NRP2: variants seen among roughly 807,000 people sequenced by gnomAD.
NRP2 encodes the protein neuropilin-2.
A neutral mutation model predicts 110.4 loss-of-function variants in NRP2; 52 were observed. That is an observed-to-expected ratio of 0.47 (90% CI 0.38 to 0.59). The LOEUF is 0.59. NRP2 is among the 20% of genes least tolerant of loss of function. The probability of loss-of-function intolerance (pLI) is 0.00; values close to 1 mark genes in which losing one functional copy is unlikely to be tolerated. For missense variants in NRP2, 1,049 were observed against 1,203.0 expected, an observed-to-expected ratio of 0.87 and a Z score of 1.89; for synonymous variants, 508 against 468.9, an observed-to-expected ratio of 1.08 and a Z score of -1.08.
chr2:205,775,492 C>G (rs2058084250), intron 15 of NRP2, among the ~76,000 whole-genome samples: 1 of 152,206 alleles, frequency 6.6e-6, no homozygotes, highest in African/African-American at 2.4e-5. Context: ...TACCCTCTGT[C>G]ATTTTGTGCC....
chr2:205,685,930 C>G (rs1426289910), intron 1 of NRP2: 1 of 152,314 alleles, frequency 6.6e-6, no homozygotes, highest in African/African-American at 2.4e-5. Context: ...CTAGAAGCGC[C>G]GCGCGCCCAG....
At chr2:205,690,846 G>T (rs2056299710) in intron 1 of NRP2, among the ~76,000 whole-genome samples, 1 of 152,088 alleles carries the variant, frequency 6.6e-6, no homozygotes, top group South Asian at 2.1e-4. Context: ...ATCTGCTTTA[G>T]GGTGTTCTAG....
rs577838540 is a variant in NRP2 at position 205,781,606 on chromosome 2, T to G, written c.2426-10629T>G. Among the ~76,000 whole-genome samples the G allele has an allele frequency of 5.3e-4, 81 of 152,372 alleles. 1 individual carries two copies. Among genetic ancestry groups the G allele is most frequent in the African/African-American group, 1.9e-3 (78 of 41,588 alleles). ...CTACATCCTGAAGTTTTGACTTGCCTGCATTGTGGGCTACACATCTGAGCC... is the reference window on the plus strand; with the variant it reads ...CTACATCCTGAAGTTTTGACTTGCCGGCATTGTGGGCTACACATCTGAGCC... On this transcript the variant is annotated intron_variant, in intron 15 of 16. Coordinates refer to ENST00000357785, the MANE Select transcript of NRP2 (RefSeq NM_003872.3).
At position 205,797,214 on chromosome 2, in the gene NRP2, T is replaced by C. The variant is rs780472869; in HGVS notation, c.*2156T>C. 1.3e-5 allele frequency: 2 copies of C among 152,638 alleles called. No homozygotes were observed. The highest frequency in any genetic ancestry group is 4.8e-5 in the African/African-American group (2 of 41,428). The allele number at this position is 152,638 out of a possible 1,614,324, so 9.5% of individuals were successfully genotyped here. A position where few individuals can be genotyped will look rare whatever the true frequency, so the allele number is the denominator to read the frequency against. Reference sequence around the variant, plus strand: ...AAGTAGAGCTGTCAAGCCCAAGGGCTTAGCTTTAGGGCTCCTCCTGAGTTC... The same window carrying C: ...AAGTAGAGCTGTCAAGCCCAAGGGCCTAGCTTTAGGGCTCCTCCTGAGTTC... On this transcript the variant is annotated 3_prime_UTR_variant, in exon 17 of 17. Transcript: ENST00000357785.
chr2:205,780,409 T>A (rs541608952), intron 15 of NRP2, among the ~76,000 whole-genome samples: 1 of 152,274 alleles, frequency 6.6e-6, no homozygotes, highest in East Asian at 1.9e-4. Flanking sequence ...TTGATGAGTA[T>A]TTTTCTTTGG....
chr2:205,790,036 A>T (rs770952414), intron 15 of NRP2, among the ~76,000 whole-genome samples: 1 of 152,144 alleles, frequency 6.6e-6, no homozygotes, highest in Non-Finnish European at 1.5e-5. Flanking sequence ...GAAAATGTTG[A>T]TTAACTTATC....
intron 5 of NRP2, 32 bp downstream of exon 5, chr2:205,723,972 T>A (rs749293205): frequency 3.1e-6 from 5 of 1,612,792 alleles, no homozygotes; most frequent in Middle Eastern, 1.6e-4. Context: ...CTCTGTCCTG[T>A]CCTTCCGTCA....
intron 2 of NRP2, among the ~76,000 whole-genome samples, chr2:205,708,315 A>G (rs951919340): frequency 6.6e-6 from 1 of 152,194 alleles, no homozygotes; most frequent in South Asian, 2.1e-4. Flanking sequence ...TGTTTCATCC[A>G]AGTGGCCTCC....
intron 7 of NRP2, among the ~76,000 whole-genome samples, chr2:205,731,571 T>C (rs1420164303): frequency 1.3e-5 from 2 of 152,194 alleles, no homozygotes; most frequent in African/African-American, 2.4e-5. Flanking sequence ...TGCCCTTATT[T>C]GTCTAGGCAA....
chr2:205,770,246 T>C (rs2057999971), intron 15 of NRP2, among the ~76,000 whole-genome samples: 1 of 152,178 alleles, frequency 6.6e-6, no homozygotes, highest in African/African-American at 2.4e-5. Flanking sequence ...AGACCATTCC[T>C]AAGGTCCAGG....
At chr2:205,723,246 G>A (rs75595594) in intron 4 of NRP2, among the ~76,000 whole-genome samples, 1,594 of 152,272 alleles carry the variant, frequency 0.01, 31 homozygotes, top group African/African-American at 0.036. Context: ...CCAGTACTTC[G>A]CAGGTGAAGA....
chr2:205,794,674 C>A, intron 16 of NRP2, 80 bp from the exon 17 acceptor site: 1 of 1,435,606 alleles, frequency 7.0e-7, no homozygotes, highest in Non-Finnish European at 9.8e-7. Flanking sequence ...CTCTGAAGAG[C>A]CTCTGGGCTG....
intron 12 of NRP2, among the ~76,000 whole-genome samples, chr2:205,761,660 T>C (rs1446477420): frequency 6.6e-6 from 1 of 152,192 alleles, no homozygotes; most frequent in East Asian, 1.9e-4. Flanking sequence ...GGGAAGCCAG[T>C]TTGCCTCAAA....
At chr2:205,731,350 G>T (rs1306397389) in intron 7 of NRP2, among the ~76,000 whole-genome samples, 1 of 152,196 alleles carries the variant, frequency 6.6e-6, no homozygotes, top group East Asian at 1.9e-4. Context: ...ACAGTAGAAG[G>T]TTCATGTATG....
intron 7 of NRP2, among the ~76,000 whole-genome samples, chr2:205,735,505 A>G (rs1043690206): frequency 6.7e-6 from 1 of 148,334 alleles, no homozygotes; most frequent in Non-Finnish European, 1.5e-5. Flanking sequence ...AATATATTCT[A>G]TATAATATAT....
intron 5 of NRP2, among the ~76,000 whole-genome samples, chr2:205,724,414 A>G (rs1238958069): frequency 1.3e-5 from 2 of 152,194 alleles, no homozygotes; most frequent in East Asian, 1.9e-4. Context: ...GGCCTGGGTA[A>G]TGTTTTCCTG....
At chr2:205,738,766 C>T (rs1267558630) in intron 7 of NRP2, among the ~76,000 whole-genome samples, 1 of 152,130 alleles carries the variant, frequency 6.6e-6, no homozygotes, top group Non-Finnish European at 1.5e-5. Flanking sequence ...GAGGACTTCC[C>T]AGGGGAGGAG....
intron 10 of NRP2, among the ~76,000 whole-genome samples, chr2:205,748,362 G>T (rs1020502731): frequency 6.6e-6 from 1 of 152,188 alleles, no homozygotes; most frequent in African/African-American, 2.4e-5. Context: ...TCACCTGTTA[G>T]TTGGTTTGTG....
chr2:205,760,912 C>A (rs1448954889), intron 12 of NRP2: 1 of 152,222 alleles, frequency 6.6e-6, no homozygotes, highest in East Asian at 1.9e-4. Context: ...ATTTGTGAAA[C>A]TGTGAAGGAA....
Sources: allele counts gnomAD v4.1 joint callset (sites outside exome capture counted in the v4.1 genomes callset), GRCh38; gene constraint gnomAD v4.1.1; transcripts MANE v1.5; gene names NCBI Gene and HGNC (gene_info 2026-07-23, HGNC 2026-07-21).